Variants in DTNB observed in about 807,000 individuals in gnomAD.
DTNB encodes DTN-B.
Under a neutral mutation model 90.7 loss-of-function variants are expected in DTNB, and 63 were observed. The ratio of observed to expected loss-of-function variants is 0.69; its 90% CI spans 0.57 to 0.86. DTNB has a LOEUF of 0.86. Ranked by LOEUF, DTNB falls within the 40% of genes least tolerant of loss-of-function variation. The probability of loss-of-function intolerance (pLI) is 0.00; values close to 1 mark genes in which losing one functional copy is unlikely to be tolerated. For missense variants in DTNB, 744 were observed against 807.1 expected (o/e 0.92, Z 0.95); for synonymous variants, 277 against 286.7 (o/e 0.97, Z 0.34).
At chr2:25,399,060 TTTC>T (rs2043051942) in intron 16 of DTNB, among the ~76,000 whole-genome samples, 1 of 152,194 alleles carries the variant, frequency 6.6e-6, no homozygotes. Flanking sequence ...CAGTGAATCT[TTTC>T]TTTTTTGAGA....
At chr2:25,382,650 T>C (rs1388324452) in intron 19 of DTNB, among the ~76,000 whole-genome samples, 8 of 146,880 alleles carry the variant, frequency 5.4e-5, no homozygotes, top group Non-Finnish European at 1.2e-4. Flanking sequence ...TGCTTCAGCC[T>C]CCCGAGTAGC....
At chr2:25,597,330 C>A (rs1030194474) in intron 5 of DTNB, among the ~76,000 whole-genome samples, 3 of 151,244 alleles carry the variant, frequency 2.0e-5, no homozygotes, top group Admixed American at 1.3e-4. Flanking sequence ...CAGAGTGAGA[C>A]CTTGTCTCCA....
intron 16 of DTNB, among the ~76,000 whole-genome samples, chr2:25,410,567 T>C (rs1336207125): frequency 1.3e-5 from 2 of 152,166 alleles, no homozygotes; most frequent in Non-Finnish European, 2.9e-5. Context: ...CAGAAGGATC[T>C]TGATGAAAAG....
At chr2:25,491,097 GTTA>G (rs1259484612) in intron 9 of DTNB, among the ~76,000 whole-genome samples, 1 of 150,070 alleles carries the variant, frequency 6.7e-6, no homozygotes, top group Non-Finnish European at 1.5e-5. Context: ...TATTATTTTT[GTTA>G]TTAAGAAAGC....
intron 8 of DTNB, among the ~76,000 whole-genome samples, chr2:25,559,970 C>T (rs753202056): frequency 2.0e-5 from 3 of 152,200 alleles, no homozygotes; most frequent in Admixed American, 6.5e-5. Flanking sequence ...AGGGGCCGGG[C>T]GTGGTGGGTG....
At chr2:25,395,386 A>T (rs1164362319) in intron 16 of DTNB, among the ~76,000 whole-genome samples, 1 of 152,110 alleles carries the variant, frequency 6.6e-6, no homozygotes, top group Non-Finnish European at 1.5e-5. Context: ...AAATAAAAAA[A>T]TTAAAAAATT....
intron 5 of DTNB, among the ~76,000 whole-genome samples, chr2:25,601,229 CTAAT>C (rs1189258229): frequency 1.3e-5 from 2 of 152,104 alleles, no homozygotes; most frequent in Non-Finnish European, 2.9e-5. Flanking sequence ...AACTAGTACT[CTAAT>C]TAAATAAAGC....
At chr2:25,485,737 A>G (rs147238124) in intron 9 of DTNB, among the ~76,000 whole-genome samples, 31 of 152,262 alleles carry the variant, frequency 2.0e-4, no homozygotes, top group African/African-American at 7.0e-4. Flanking sequence ...ACGACTCACC[A>G]TGAAAGCCAA....
At chr2:25,452,560 CA>C (rs1433008646) in intron 11 of DTNB, among the ~76,000 whole-genome samples, 1 of 151,994 alleles carries the variant, frequency 6.6e-6, no homozygotes, top group Non-Finnish European at 1.5e-5. Context: ...CTTGGGTTTC[CA>C]AAAACCCTTG....
chr2:25,386,365 G>T (rs139863099), intron 18 of DTNB, among the ~76,000 whole-genome samples: 1 of 152,190 alleles, frequency 6.6e-6, no homozygotes, highest in South Asian at 2.1e-4. Context: ...TGAATCGTCC[G>T]TGGAAAAACT....
intron 10 of DTNB, among the ~76,000 whole-genome samples, chr2:25,464,669 G>A (rs1011135492): frequency 2.6e-5 from 4 of 152,206 alleles, no homozygotes; most frequent in African/African-American, 7.2e-5. Flanking sequence ...CCTTGTCAAT[G>A]ATGCTTTGGA....
intron 5 of DTNB, among the ~76,000 whole-genome samples, chr2:25,599,487 G>A (rs368072188): frequency 3.9e-4 from 59 of 151,752 alleles, no homozygotes; most frequent in Admixed American, 6.6e-4. Context: ...GACTACAGGC[G>A]CCCGCCACCA....
At chr2:25,436,922 G>A (rs767577735) in intron 12 of DTNB, among the ~76,000 whole-genome samples, 8 of 152,188 alleles carry the variant, frequency 5.3e-5, no homozygotes, top group African/African-American at 9.7e-5. Flanking sequence ...GAAGCCCTGT[G>A]GCACTTCTCT....
At chr2:25,522,534 A>G (rs1317170337) in intron 9 of DTNB, among the ~76,000 whole-genome samples, 1 of 152,102 alleles carries the variant, frequency 6.6e-6, no homozygotes, top group African/African-American at 2.4e-5. Flanking sequence ...GCCTTTGTGG[A>G]GTTTACATTT....
chr2:25,383,867 T>C lies in DTNB; in HGVS notation c.1848A>G (p.Glu616=), dbSNP rs2038652450. The C allele has an allele frequency of 6.2e-7, 1 of 1,613,948 alleles. No individual in the cohort carries two copies. Among genetic ancestry groups the C allele is most frequent in the African/African-American group, 1.3e-5 (1 of 74,946 alleles). ...CTTTCCCATTCTGCATCTTCTCTTC[T>C]TCTTCCTCTGCACCTTCCTCTGCTG... ...LHSAEEGAEE[E]EEKMQNGKDR... The change falls in exon 19 of 21, where the codon GAA becomes GAG. Residue 616 remains glutamate (E), a synonymous_variant. Transcript: ENST00000406818.
chr2:25,661,237 A>C (rs2083115186), intron 1 of DTNB, among the ~76,000 whole-genome samples: 1 of 152,196 alleles, frequency 6.6e-6, no homozygotes, highest in African/African-American at 2.4e-5. Context: ...AAGTATCAAA[A>C]CTCATGAGAA....
At chr2:25,546,457 A>C (rs989132974) in intron 8 of DTNB, among the ~76,000 whole-genome samples, 10 of 152,096 alleles carry the variant, frequency 6.6e-5, no homozygotes, top group African/African-American at 2.4e-4. Flanking sequence ...GGGCCACTGG[A>C]GTTTTTCTAG....
intron 9 of DTNB, among the ~76,000 whole-genome samples, chr2:25,504,886 C>T (rs2071976906): frequency 6.6e-6 from 1 of 152,024 alleles, no homozygotes; most frequent in Admixed American, 6.6e-5. Context: ...GGAAACGCAA[C>T]AGACATAGCC....
chr2:25,604,416 TTTC>T (rs896084775), intron 5 of DTNB, among the ~76,000 whole-genome samples: 10 of 150,434 alleles, frequency 6.6e-5, no homozygotes, highest in Admixed American at 2.7e-4. Context: ...TCTCTCTCTC[TTTC>T]TTTTCTTGAG....
Sources: allele counts gnomAD v4.1 joint callset (sites outside exome capture counted in the v4.1 genomes callset), GRCh38; gene constraint gnomAD v4.1.1; transcripts MANE v1.5; gene names NCBI Gene and HGNC (gene_info 2026-07-23, HGNC 2026-07-21).